C1QTNF7: variants seen among roughly 807,000 people sequenced by gnomAD.
The protein encoded by C1QTNF7 is C1q and TNF related 7.
C1QTNF7 carries 15 observed loss-of-function variants against 19.6 expected under a neutral mutation model. The observed-to-expected ratio is 0.76, with a 90% CI of 0.51 to 1.18. The LOEUF (loss-of-function observed/expected upper bound fraction) is 1.18, where lower values mean the gene tolerates loss of function less well. Among genes scored for constraint, C1QTNF7 ranks in the 50% most tolerant of loss-of-function variants. The probability of loss-of-function intolerance (pLI) is 0.00; values close to 1 mark genes in which losing one functional copy is unlikely to be tolerated. For synonymous variants in C1QTNF7, 142 were observed against 137.5 expected, an observed-to-expected ratio of 1.03 and a Z score of -0.23; for missense variants, 324 against 359.7, an observed-to-expected ratio of 0.90 and a Z score of 0.80.
chr4:15,352,222 C>T (rs986533449), intron 1 of C1QTNF7, among the ~76,000 whole-genome samples: 5 of 152,162 alleles, frequency 3.3e-5, no homozygotes, highest in African/African-American at 1.2e-4. Flanking sequence ...TCCAATATGT[C>T]ATTTAAATAC....
chr4:15,361,258 C>T (rs569062853), intron 1 of C1QTNF7: 1 of 152,016 alleles, frequency 6.6e-6, no homozygotes, highest in East Asian at 2.0e-4. Flanking sequence ...CCCTGTTTTC[C>T]ATCTTCTTCT....
chr4:15,352,558 A>G (rs1716976803), intron 1 of C1QTNF7, among the ~76,000 whole-genome samples: 2 of 152,346 alleles, frequency 1.3e-5, no homozygotes, highest in South Asian at 2.1e-4. Flanking sequence ...GTGAAAATGT[A>G]TCAGAGGGGG....
intron 1 of C1QTNF7, among the ~76,000 whole-genome samples, chr4:15,367,338 C>T (rs4698373): frequency 1.3e-5 from 2 of 151,994 alleles, no homozygotes; most frequent in Non-Finnish European, 2.9e-5. Context: ...TCCAAATACT[C>T]TCTCATGACA....
chr4:15,360,948 C>A (rs559781121), intron 1 of C1QTNF7, among the ~76,000 whole-genome samples: 1 of 152,178 alleles, frequency 6.6e-6, no homozygotes, highest in South Asian at 2.1e-4. Flanking sequence ...TATCTAACAC[C>A]TATAAGAGGA....
chr4:15,378,301 C>T (rs1718018041), intron 1 of C1QTNF7, among the ~76,000 whole-genome samples: 1 of 152,216 alleles, frequency 6.6e-6, no homozygotes, highest in African/African-American at 2.4e-5. Context: ...CCTGTTTCAT[C>T]ACCTATTAAC....
chr4:15,413,220 G>A (rs564545005), intron 1 of C1QTNF7, among the ~76,000 whole-genome samples: 1 of 152,346 alleles, frequency 6.6e-6, no homozygotes, highest in African/African-American at 2.4e-5. Flanking sequence ...TTCACATCAT[G>A]TGCTTCTACC....
chr4:15,362,954 A>G (rs919095349), intron 1 of C1QTNF7, among the ~76,000 whole-genome samples: 1 of 152,224 alleles, frequency 6.6e-6, no homozygotes, highest in African/African-American at 2.4e-5. Context: ...GAAAACTCAA[A>G]CCTGGAAAGA....
intron 1 of C1QTNF7, among the ~76,000 whole-genome samples, chr4:15,394,041 C>A (rs552591671): frequency 6.6e-6 from 1 of 152,110 alleles, no homozygotes; most frequent in Admixed American, 6.5e-5. Flanking sequence ...GGGAAAGGCT[C>A]ACAGATACAT....
At chr4:15,440,663 C>T (rs1712721271) in intron 2 of C1QTNF7, among the ~76,000 whole-genome samples, 2 of 152,114 alleles carry the variant, frequency 1.3e-5, no homozygotes, top group Admixed American at 6.6e-5. Flanking sequence ...GCCTCGGCCT[C>T]CCAAAGTGCT....
At chr4:15,417,628 A>G (rs1293375011) in intron 1 of C1QTNF7, among the ~76,000 whole-genome samples, 1 of 152,208 alleles carries the variant, frequency 6.6e-6, no homozygotes, top group Non-Finnish European at 1.5e-5. Flanking sequence ...ATGGTGGCAC[A>G]CACCTGTGAT....
intron 1 of C1QTNF7, among the ~76,000 whole-genome samples, chr4:15,402,896 G>A (rs1340522645): frequency 2.0e-5 from 3 of 151,564 alleles, no homozygotes; most frequent in Non-Finnish European, 4.4e-5. Flanking sequence ...GGCTAAACCT[G>A]TGCCTCAGAG....
chr4:15,401,968 A>C (rs989692478), intron 1 of C1QTNF7, among the ~76,000 whole-genome samples: 1 of 152,240 alleles, frequency 6.6e-6, no homozygotes, highest in South Asian at 2.1e-4. Flanking sequence ...AACAGAAAAA[A>C]AGGAACAGGA....
At chr4:15,393,890 C>A (rs964524429) in intron 1 of C1QTNF7, among the ~76,000 whole-genome samples, 1 of 152,172 alleles carries the variant, frequency 6.6e-6, no homozygotes, top group African/African-American at 2.4e-5. Flanking sequence ...CCCACACAAG[C>A]CTTCCTTTCT....
chr4:15,436,098 T>C, intron 2 of C1QTNF7, 117 bp downstream of exon 2: 1 of 1,404,064 alleles, frequency 7.1e-7, no homozygotes, highest in Non-Finnish European at 9.5e-7. Context: ...TGTACTTTCA[T>C]TAATCGTAAC....
At chr4:15,395,874 T>G (rs991366538) in intron 1 of C1QTNF7, among the ~76,000 whole-genome samples, 3 of 152,064 alleles carry the variant, frequency 2.0e-5, no homozygotes, top group Non-Finnish European at 2.9e-5. Flanking sequence ...GGCCAGTCAG[T>G]GGTGGAAGTA....
chr4:15,401,827 T>C (rs550787993), intron 1 of C1QTNF7, among the ~76,000 whole-genome samples: 3 of 152,226 alleles, frequency 2.0e-5, no homozygotes, highest in East Asian at 1.9e-4. Context: ...ATAAATGCTA[T>C]TGAAAGCACA....
At chr4:15,374,866 T>TCA in intron 1 of C1QTNF7, 1 of 587,806 alleles carries the variant, frequency 1.7e-6, no homozygotes, top group Non-Finnish European at 2.0e-6. Context: ...TCTCTCTCTC[T>TCA]CTCTCTTTTT....
intron 1 of C1QTNF7, among the ~76,000 whole-genome samples, chr4:15,349,753 A>G (rs1313635249): frequency 1.3e-5 from 2 of 152,068 alleles, no homozygotes; most frequent in African/African-American, 4.8e-5. Flanking sequence ...TTTTCCTCAT[A>G]TCTGTTTGAT....
At chr4:15,387,645 T>A (rs910297615) in intron 1 of C1QTNF7, among the ~76,000 whole-genome samples, 1 of 151,934 alleles carries the variant, frequency 6.6e-6, no homozygotes, top group African/African-American at 2.4e-5. Flanking sequence ...ATGAGAGGAA[T>A]GCAATTGTAG....
Sources: allele counts gnomAD v4.1 joint callset (sites outside exome capture counted in the v4.1 genomes callset), GRCh38; gene constraint gnomAD v4.1.1; transcripts MANE v1.5; gene names NCBI Gene and HGNC (gene_info 2026-07-23, HGNC 2026-07-21).